The following RPLP1 variants were observed in gnomAD, a reference collection of about 807,000 sequenced individuals.
RPLP1 encodes the protein large ribosomal subunit protein P1.
A neutral mutation model predicts 11.6 loss-of-function variants in RPLP1; 4 were observed. The observed-to-expected ratio is 0.34, with a 90% CI of 0.17 to 0.79. The LOEUF (loss-of-function observed/expected upper bound fraction) is 0.79. Ranked by LOEUF, RPLP1 falls within the 30% of genes least tolerant of loss-of-function variation. The probability of loss-of-function intolerance (pLI) is 0.55; values close to 1 mark genes in which losing one functional copy is unlikely to be tolerated. For synonymous variants in RPLP1, 54 were observed against 52.2 expected, an observed-to-expected ratio of 1.03 and a Z score of -0.15; for missense variants, 133 against 142.8, an observed-to-expected ratio of 0.93 and a Z score of 0.35.
At chr15:69,455,353 A>G in intron 3 of RPLP1, 66 bp downstream of exon 3, 1 of 1,544,106 alleles carries the variant, frequency 6.5e-7, no homozygotes. Context: ...AGTATTATAG[A>G]CAAAATTGCC....
chr15:69,455,442 G>A lies in RPLP1; in HGVS notation c.280G>A (p.Val94Met). The change falls in exon 4 of 4, where the codon GTG becomes ATG. Residue 94 changes from valine to methionine, a missense_variant. Coordinates refer to ENST00000260379, the MANE Select transcript of RPLP1 (RefSeq NM_001003.3). ...TTTTTTTCTAGCTGAGGAGAAGAAA[G>A]TGGAAGCAAAGAAAGAAGAATCCGA... ...TAAAPAEEKK[V>M]EAKKEESEES... 6.2e-7 allele frequency: 1 copy of A among 1,611,990 alleles called. No individual in the cohort carries two copies. The highest frequency in any genetic ancestry group is 8.5e-7 in the Non-Finnish European group (1 of 1,179,604).
Position 69,455,151 on chromosome 15 carries a change from G to T in RPLP1, c.148-19G>T, listed in dbSNP as rs1167682075. 1.9e-6 allele frequency: 3 copies of T among 1,549,128 alleles called. No individual in the cohort carries two copies. Among genetic ancestry groups the T allele is most frequent in the Non-Finnish European group, 1.7e-6 (2 of 1,153,086 alleles). On this transcript the variant is annotated intron_variant, in intron 2 of 3. Transcript: ENST00000260379. ...AGGACAGAACTGGGCGTTTACCTAT[G>T]CATGCACATGTATTGCAGGCCCTGG...
intron 1 of RPLP1, chr15:69,453,261 C>A (rs932664567): frequency 3.4e-6 from 2 of 584,082 alleles, no homozygotes; most frequent in Non-Finnish European, 6.1e-6. Context: ...GGCGCTCCGG[C>A]TCCAAGAGCC....
Position 69,453,086 on chromosome 15 carries a change from T to C in RPLP1, c.72+66T>C, listed in dbSNP as rs1051277603. On this transcript the variant is annotated intron_variant, in intron 1 of 3. Coordinates refer to ENST00000260379, the MANE Select transcript of RPLP1 (RefSeq NM_001003.3). ...CGGTGACTTTCGGCTCTCCATGCGG[T>C]TCCCGGCTCCAGGCCGTTCGACTGA... 4 of 1,412,506 alleles carry C rather than the reference T, an allele frequency of 2.8e-6. No homozygotes were observed. In the East Asian group the frequency reaches 7.4e-5, roughly 26 times the overall value. 87.5% of individuals were successfully genotyped at this position (1,412,506 alleles called of 1,614,324 possible).
intron 2 of RPLP1, 63 bp downstream of exon 2, chr15:69,453,784 T>G (rs1174931900): frequency 6.4e-7 from 1 of 1,560,708 alleles, no homozygotes; most frequent in Non-Finnish European, 8.8e-7. Flanking sequence ...CAGTTGTACA[T>G]GCTAAAGTAC....
rs1225151507 is a variant in RPLP1 at position 69,453,687 on chromosome 15, A to G, written c.113A>G (p.Asn38Ser). The G allele has an allele frequency of 3.1e-6, 5 of 1,614,134 alleles. No homozygotes were observed. The East Asian group carries it at 6.7e-5, about 22-fold the overall frequency. Residue 38 changes from asparagine to serine, a missense_variant, in exon 2 of 4, where the codon AAT becomes AGT. Physicochemically the swap from Asn to Ser is conservative, Grantham distance 46. Coordinates refer to ENST00000260379, the MANE Select transcript of RPLP1 (RefSeq NM_001003.3). ...GCCCTCATTAAAGCAGCCGGTGTAA[A>G]TGTTGAGCCTTTTTGGCCTGGCTTG... ...INALIKAAGV[N>S]VEPFWPGLFA... is the part of the protein sequence containing the mutation.
chr15:69,453,148 G>T lies in RPLP1; in HGVS notation c.72+128G>T. 3 of 870,256 alleles carry T rather than the reference G, an allele frequency of 3.4e-6. 1 individual carries two copies. The South Asian group carries it at 4.6e-5, about 13-fold the overall frequency. The allele number at this position is 870,256 out of a possible 1,614,324, so 53.9% of individuals were successfully genotyped here. On this transcript the variant is annotated intron_variant, in intron 1 of 3. Coordinates refer to ENST00000260379, the MANE Select transcript of RPLP1 (RefSeq NM_001003.3). ...CGGGGCCAGGCCGCGAACACAGGCC[G>T]CATAGGGCGGGCGCTCCTCGGGGCT...
At chr15:69,453,178 C>T (rs1892377398) in intron 1 of RPLP1, 158 bp downstream of exon 1, 3 of 695,232 alleles carry the variant, frequency 4.3e-6, no homozygotes, top group Admixed American at 2.6e-5. Flanking sequence ...GGGGCTGGGG[C>T]CTCTCTCCGG....
rs1257082635 is a variant in RPLP1, at chr15:69,454,507, C to T, written c.148-663C>T. On this transcript the variant is annotated intron_variant, in intron 2 of 3. Transcript: ENST00000260379. ...TTTTCCATTGTACAGGTTACTTAAT[C>T]TCTGTCAAGTGAAGCTAATAGCATC... is the stretch of plus-strand genomic sequence containing the variant. 6 of 152,346 alleles carry T rather than the reference C, an allele frequency of 3.9e-5. No individual in the cohort carries two copies. In the East Asian group the frequency reaches 1.2e-3, roughly 29 times the overall value. 9.4% of individuals were successfully genotyped at this position (152,346 alleles called of 1,614,324 possible). A position where few individuals can be genotyped will look rare whatever the true frequency, so the allele number is the denominator to read the frequency against.
intron 2 of RPLP1, 182 bp from the exon 3 acceptor site, chr15:69,454,988 T>G: frequency 2.6e-6 from 2 of 760,584 alleles, no homozygotes; most frequent in South Asian, 6.6e-5. Context: ...TTTAGAAGTC[T>G]ACATGTTTGG....
In RPLP1 at chr15:69,454,120, C is replaced by A. The variant is rs568298674; in HGVS notation, c.147+399C>A. On this transcript the variant is annotated intron_variant, in intron 2 of 3. Coordinates refer to ENST00000260379, the MANE Select transcript of RPLP1 (RefSeq NM_001003.3). ...CTCAGCTCACTGCAAGCTCCGCCTC[C>A]CGGGTTCACGCCATTATCCTGCCTC... The A allele has an allele frequency of 4.0e-5, 8 of 200,240 alleles. No individual in the cohort carries two copies. In the Admixed American group the frequency reaches 4.7e-4, roughly 12 times the overall value. 12.4% of individuals were successfully genotyped at this position (200,240 alleles called of 1,614,324 possible). A position where few individuals can be genotyped will look rare whatever the true frequency, so the allele number is the denominator to read the frequency against.
At chr15:69,453,938 A>C (rs1345083914) in intron 2 of RPLP1, 3 of 563,226 alleles carry the variant, frequency 5.3e-6, no homozygotes, top group Non-Finnish European at 9.5e-6. Flanking sequence ...TTGCTCTGAA[A>C]CCATGGTTAA....
Sources: allele counts gnomAD v4.1 joint callset, GRCh38; gene constraint gnomAD v4.1.1; transcripts MANE v1.5; gene names NCBI Gene and HGNC (gene_info 2026-07-23, HGNC 2026-07-21).